SGCZ: variants seen among roughly 807,000 people sequenced by gnomAD.
The protein encoded by SGCZ is zeta-sarcoglycan.
In SGCZ, 40 loss-of-function variants were observed where a neutral mutation model predicts 41.3. The ratio of observed to expected loss-of-function variants is 0.97; its 90% CI spans 0.75 to 1.26. SGCZ has a LOEUF of 1.26. SGCZ is among the 50% of genes most tolerant of loss of function. The pLI is 0.00. For missense variants in SGCZ, 552 were observed against 369.8 expected (o/e 1.49, Z -4.04); for synonymous variants, 206 against 137.5 (o/e 1.50, Z -3.49).
intron 1 of SGCZ, among the ~76,000 whole-genome samples, chr8:14,560,006 G>A (rs184331691): frequency 6.6e-6 from 1 of 151,988 alleles, no homozygotes; most frequent in Non-Finnish European, 1.5e-5. Flanking sequence ...GAGGAATTTG[G>A]TAGAAATTTC....
intron 3 of SGCZ, among the ~76,000 whole-genome samples, chr8:14,271,687 T>C (rs1323261591): frequency 6.6e-6 from 1 of 152,180 alleles, no homozygotes; most frequent in African/African-American, 2.4e-5. Flanking sequence ...CAGATCAACC[T>C]CCTTGACTGG....
At position 15,075,432 on chromosome 8, in the gene SGCZ, T is replaced by C. The variant is rs1805495262; in HGVS notation, c.39+162153A>G. Among the ~76,000 whole-genome samples the C allele has an allele frequency of 2.0e-5, 3 of 152,204 alleles. No homozygotes were observed. In the South Asian group the frequency reaches 6.2e-4, roughly 31 times the overall value. ...CTGAACTTTAAGAAGGAAATGAGCA[T>C]GATGATCACTTTTGTAAGTATCTTT... On this transcript the variant is annotated intron_variant, in intron 1 of 7. Transcript: ENST00000382080.
intron 2 of SGCZ, among the ~76,000 whole-genome samples, chr8:14,377,429 C>T (rs1389944946): frequency 6.6e-6 from 1 of 151,916 alleles, no homozygotes; most frequent in African/African-American, 2.4e-5. Flanking sequence ...AACTGCTTTC[C>T]TGAGCTATGT....
chr8:14,433,575 T>A (rs1185933147), intron 2 of SGCZ, among the ~76,000 whole-genome samples: 1 of 152,192 alleles, frequency 6.6e-6, no homozygotes, highest in Non-Finnish European at 1.5e-5. Context: ...TAATCTGCCA[T>A]TATGATCTTC....
At chr8:14,388,170 A>G (rs1055039654) in intron 2 of SGCZ, among the ~76,000 whole-genome samples, 1 of 152,170 alleles carries the variant, frequency 6.6e-6, no homozygotes, top group Non-Finnish European at 1.5e-5. Flanking sequence ...AAAACATATC[A>G]TTTAAAATAT....
At chr8:15,142,756 C>T (rs367757980) in intron 1 of SGCZ, among the ~76,000 whole-genome samples, 5 of 151,406 alleles carry the variant, frequency 3.3e-5, no homozygotes, top group Non-Finnish European at 7.4e-5. Context: ...GGCCTACAGG[C>T]ACACATCACC....
chr8:14,171,074 C>A (rs1349502256), intron 4 of SGCZ, among the ~76,000 whole-genome samples: 2 of 150,898 alleles, frequency 1.3e-5, no homozygotes, highest in African/African-American at 4.9e-5. Context: ...AGTTGCAAAC[C>A]CATTTCTTGA....
intron 1 of SGCZ, among the ~76,000 whole-genome samples, chr8:15,236,677 A>G (rs987245594): frequency 2.6e-5 from 4 of 151,572 alleles, no homozygotes; most frequent in African/African-American, 9.7e-5. Flanking sequence ...ATAAATATAT[A>G]TATTTTTTTT....
intron 1 of SGCZ, among the ~76,000 whole-genome samples, chr8:14,827,798 T>C (rs1802386281): frequency 6.6e-6 from 1 of 152,148 alleles, no homozygotes; most frequent in Non-Finnish European, 1.5e-5. Flanking sequence ...ATACAGTTGT[T>C]AATATATGCA....
intron 1 of SGCZ, among the ~76,000 whole-genome samples, chr8:15,114,880 G>A (rs116121105): frequency 0.015 from 2,277 of 151,930 alleles, 49 homozygotes; most frequent in African/African-American, 0.052. Context: ...AATCCAGAGA[G>A]TGTCATTCTC....
intron 3 of SGCZ, among the ~76,000 whole-genome samples, chr8:14,251,191 G>A (rs1799271714): frequency 6.6e-6 from 1 of 152,112 alleles, no homozygotes; most frequent in Non-Finnish European, 1.5e-5. Context: ...TAGTGCCACT[G>A]TACTCCAGTC....
intron 1 of SGCZ, among the ~76,000 whole-genome samples, chr8:14,617,026 T>G (rs1022194707): frequency 6.6e-6 from 1 of 152,020 alleles, no homozygotes; most frequent in Non-Finnish European, 1.5e-5. Flanking sequence ...AAAAAAGGGG[T>G]AATTCAGATA....
chr8:14,862,377 G>T (rs1478825738), intron 1 of SGCZ, among the ~76,000 whole-genome samples: 1 of 151,688 alleles, frequency 6.6e-6, no homozygotes, highest in Admixed American at 6.6e-5. Flanking sequence ...TGGCTGTTGT[G>T]CAAATGAGAA....
At chr8:14,895,313 G>T (rs1294637028) in intron 1 of SGCZ, among the ~76,000 whole-genome samples, 2 of 151,864 alleles carry the variant, frequency 1.3e-5, no homozygotes, top group African/African-American at 2.4e-5. Flanking sequence ...TCTTAAATGG[G>T]GCCAAAATTG....
At chr8:14,448,680 TC>T in intron 2 of SGCZ, among the ~76,000 whole-genome samples, 2 of 135,138 alleles carry the variant, frequency 1.5e-5, no homozygotes, top group South Asian at 4.4e-4. Flanking sequence ...TCATAAATGT[TC>T]TTAGAATGTT....
chr8:14,246,673 C>T (rs1274031946), intron 3 of SGCZ, among the ~76,000 whole-genome samples: 8 of 151,230 alleles, frequency 5.3e-5, no homozygotes, highest in Non-Finnish European at 1.2e-4. Flanking sequence ...TTTGGGACGC[C>T]GAGGCGGGCA....
intron 1 of SGCZ, among the ~76,000 whole-genome samples, chr8:14,978,681 A>G (rs1166814528): frequency 6.6e-6 from 1 of 151,982 alleles, no homozygotes; most frequent in African/African-American, 2.4e-5. Context: ...TTTGCATTCT[A>G]TGCTATGAAA....
intron 1 of SGCZ, among the ~76,000 whole-genome samples, chr8:14,780,804 T>TTC (rs1256866201): frequency 6.6e-6 from 1 of 152,212 alleles, no homozygotes; most frequent in African/African-American, 2.4e-5. Context: ...TTAGAAGCAT[T>TTC]TCTTTTTTAA....
intron 3 of SGCZ, among the ~76,000 whole-genome samples, chr8:14,284,000 C>G (rs1310180131): frequency 6.6e-6 from 1 of 152,132 alleles, no homozygotes; most frequent in Non-Finnish European, 1.5e-5. Context: ...TGTTATTAGG[C>G]ATATGTAAAT....
Sources: gnomAD v4.1 joint callset for allele counts (sites outside exome capture counted in the v4.1 genomes callset) on GRCh38, gnomAD v4.1.1 for gene constraint, MANE v1.5 for transcripts, NCBI Gene and HGNC (gene_info 2026-07-23, HGNC 2026-07-21) for gene names.